The following WIPI2 variants were observed in gnomAD, a reference collection of about 807,000 sequenced individuals.
WIPI2 encodes the protein WD repeat domain phosphoinositide-interacting protein 2.
Under a neutral mutation model 52.3 loss-of-function variants are expected in WIPI2, and 28 were observed. The ratio of observed to expected loss-of-function variants is 0.54; its 90% CI spans 0.40 to 0.73. WIPI2 has a LOEUF of 0.73. WIPI2 is among the 30% of genes least tolerant of loss of function. WIPI2 has a pLI of 0.00. For missense variants in WIPI2, 506 were observed against 602.9 expected, an observed-to-expected ratio of 0.84 and a Z score of 1.68; for synonymous variants, 268 against 245.0, an observed-to-expected ratio of 1.09 and a Z score of -0.88.
intron 1 of WIPI2, among the ~76,000 whole-genome samples, chr7:5,192,600 T>A (rs1445569958): frequency 1.3e-5 from 2 of 152,330 alleles, no homozygotes; most frequent in East Asian, 3.9e-4. Flanking sequence ...TCTGTTACTT[T>A]GAGATTTCAT....
Position 5,225,871 on chromosome 7 carries a change from C to G in WIPI2, c.789C>G (p.Leu263=). Residue 263 remains leucine, a synonymous_variant, in exon 9 of 13, where the codon CTC becomes CTG. Transcript: ENST00000288828. ...CCTTCAGCATGGACGGCATGTTCCTCTCCGCCTCCAGCAACACTGAGACCG... is the reference window on the plus strand; with the variant it reads ...CCTTCAGCATGGACGGCATGTTCCTGTCCGCCTCCAGCAACACTGAGACCG... ...SLAFSMDGMF[L]SASSNTETVH... is the part of the protein sequence containing the mutation. The G allele has an allele frequency of 6.2e-7, 1 of 1,613,900 alleles. No individual in the cohort carries two copies.
chr7:5,223,476 C>T (rs531816780), intron 8 of WIPI2, among the ~76,000 whole-genome samples: 131 of 152,262 alleles, frequency 8.6e-4, no homozygotes, highest in African/African-American at 2.8e-3. Flanking sequence ...CAAACGTCAC[C>T]GCTCCTCCAG....
In WIPI2 at chr7:5,190,600, C is replaced by G. The variant is rs1336693303; in HGVS notation, c.74+107C>G. Reference sequence around the variant, plus strand: ...GGCGGCGTCGCAGGCTCGGCCTCCCCGCGGGCCAAGGCGCGCAGAGGCGTC... The same window carrying G: ...GGCGGCGTCGCAGGCTCGGCCTCCCGGCGGGCCAAGGCGCGCAGAGGCGTC... On this transcript the variant is annotated intron_variant, in intron 1 of 12. Transcript: ENST00000288828. 3.4e-6 allele frequency: 4 copies of G among 1,175,112 alleles called. No individual in the cohort carries two copies. The East Asian group carries it at 1.3e-4, about 40-fold the overall frequency. The allele number at this position is 1,175,112 out of a possible 1,614,324, so 72.8% of individuals were successfully genotyped here. A position where few individuals can be genotyped will look rare whatever the true frequency, so the allele number is the denominator to read the frequency against.
rs1254367366 is a variant in WIPI2 at position 5,216,609 on chromosome 7, G to A, written c.428G>A (p.Arg143Gln). 4 of 1,614,010 alleles carry A rather than the reference G, an allele frequency of 2.5e-6. No individual in the cohort carries two copies. The highest frequency in any genetic ancestry group is 3.4e-6 in the Non-Finnish European group (4 of 1,180,032). ...GAGTCCCTGTACATCCACAACATTC[G>A]GGACATGAAGGTGCTGCATACGATC... ...LEESLYIHNI[R>Q]DMKVLHTIRE... The change falls in exon 5 of 13, where the codon CGG becomes CAG. Residue 143 changes from arginine to glutamine, a missense_variant. Arg to Gln is a conservative substitution (Grantham distance 43). Transcript: ENST00000288828.
intron 3 of WIPI2, among the ~76,000 whole-genome samples, chr7:5,207,031 T>C (rs115755888): frequency 0.025 from 3,827 of 152,236 alleles, 156 homozygotes; most frequent in African/African-American, 0.087. Context: ...CACATCAGCC[T>C]CCCAGAGTGC....
Position 5,217,850 on chromosome 7 carries a change from G to T in WIPI2, c.577-72G>T, listed in dbSNP as rs181079379. 9.5e-6 allele frequency: 14 copies of T among 1,476,774 alleles called. No individual in the cohort carries two copies. In the African/African-American group the frequency reaches 1.8e-4, roughly 19 times the overall value. The allele number at this position is 1,476,774 out of a possible 1,614,324, so 91.5% of individuals were successfully genotyped here. On this transcript the variant is annotated intron_variant, in intron 6 of 12. Coordinates refer to ENST00000288828, the MANE Select transcript of WIPI2 (RefSeq NM_015610.4). ...TAGGAACAGCTAATTGGCACTTGCG[G>T]ACCAAGTGTCAGCCCTGGGGCGTGG... is the stretch of plus-strand genomic sequence containing the variant.
intron 1 of WIPI2, 60 bp downstream of exon 1, chr7:5,190,553 G>A (rs1781425152): frequency 6.6e-6 from 9 of 1,368,330 alleles, no homozygotes; most frequent in Non-Finnish European, 8.6e-6. Context: ...CGGGCTAGGG[G>A]GAGGGCCTCG....
intron 3 of WIPI2, among the ~76,000 whole-genome samples, chr7:5,207,743 T>A (rs1229375751): frequency 2.0e-5 from 3 of 151,700 alleles, no homozygotes; most frequent in Admixed American, 2.0e-4. Flanking sequence ...GTATGAGAGT[T>A]CTGATTGCTC....
chr7:5,194,215 G>T (rs893497962), intron 2 of WIPI2, among the ~76,000 whole-genome samples: 8 of 152,218 alleles, frequency 5.3e-5, no homozygotes, highest in African/African-American at 1.9e-4. Flanking sequence ...ATGTGAGGGG[G>T]AGCGGGGATG....
At chr7:5,224,238 C>A (rs1371883054) in intron 8 of WIPI2, among the ~76,000 whole-genome samples, 4 of 152,242 alleles carry the variant, frequency 2.6e-5, no homozygotes, top group Non-Finnish European at 4.4e-5. Flanking sequence ...GCTGGCAGAT[C>A]TGGTGGCCTG....
chr7:5,217,722 A>G (rs1234361039), intron 6 of WIPI2, 200 bp from the exon 7 acceptor site: 3 of 612,282 alleles, frequency 4.9e-6, no homozygotes. Flanking sequence ...AACCTTAGGG[A>G]TAAATTGCTT....
At chr7:5,214,326 C>T in intron 3 of WIPI2, 5 of 1,569,748 alleles carry the variant, frequency 3.2e-6, no homozygotes, top group Non-Finnish European at 4.3e-6. Flanking sequence ...AGGGGCCATC[C>T]TTAGAGTGGA....
chr7:5,219,696 T>C (rs545168848), intron 7 of WIPI2, among the ~76,000 whole-genome samples: 1 of 152,348 alleles, frequency 6.6e-6, no homozygotes, highest in South Asian at 2.1e-4. Context: ...ATCTGAAAGT[T>C]TAGGCTGCAG....
chr7:5,225,685 G>A lies in WIPI2; in HGVS notation c.741-138G>A, dbSNP rs1783393505. The stretch of plus-strand genomic sequence containing the variant: ...TTCCTCTCTCAAGGAAAATGTTTGA[G>A]AAGGTGGCTAGAGGGGAATAAAACT... On this transcript the variant is annotated intron_variant, in intron 8 of 12. Coordinates refer to ENST00000288828, the MANE Select transcript of WIPI2 (RefSeq NM_015610.4). The A allele has an allele frequency of 5.0e-6, 3 of 599,450 alleles. No homozygotes were observed. The East Asian group carries it at 8.4e-5, about 17-fold the overall frequency. 37.1% of individuals were successfully genotyped at this position (599,450 alleles called of 1,614,324 possible). A position where few individuals can be genotyped will look rare whatever the true frequency, so the allele number is the denominator to read the frequency against.
chr7:5,215,533 G>T (rs1399623387), intron 4 of WIPI2, among the ~76,000 whole-genome samples: 1 of 152,180 alleles, frequency 6.6e-6, no homozygotes, highest in African/African-American at 2.4e-5. Flanking sequence ...GAGACCCCTG[G>T]CAATCTGATT....
At chr7:5,193,495 A>G (rs879744536) in intron 2 of WIPI2, 5 of 462,096 alleles carry the variant, frequency 1.1e-5, no homozygotes, top group African/African-American at 2.0e-5. Flanking sequence ...TTCTTCCACC[A>G]TGTCTCTTCT....
intron 7 of WIPI2, chr7:5,218,946 C>G (rs1332625264): frequency 6.6e-6 from 1 of 152,170 alleles, no homozygotes; most frequent in African/African-American, 2.4e-5. Context: ...TCATTGAAAT[C>G]CTAAAATAGC....
At chr7:5,193,005 G>T in intron 1 of WIPI2, 113 bp from the exon 2 acceptor site, 1 of 975,024 alleles carries the variant, frequency 1.0e-6, no homozygotes, top group South Asian at 1.5e-5. Flanking sequence ...TTTCTTTACT[G>T]GTAATATGAT....
intron 3 of WIPI2, among the ~76,000 whole-genome samples, chr7:5,209,072 T>C (rs1385861462): frequency 6.8e-6 from 1 of 146,822 alleles, no homozygotes; most frequent in African/African-American, 2.5e-5. Context: ...AATTTATTCC[T>C]AATACTTTGG....
Sources: gnomAD v4.1 joint callset for allele counts (sites outside exome capture counted in the v4.1 genomes callset) on GRCh38, gnomAD v4.1.1 for gene constraint, MANE v1.5 for transcripts, NCBI Gene and HGNC (gene_info 2026-07-23, HGNC 2026-07-21) for gene names.